VAV2: variants seen among roughly 807,000 people sequenced by gnomAD.
The protein encoded by VAV2 is vav guanine nucleotide exchange factor 2, also known as guanine nucleotide exchange factor VAV2.
VAV2 carries 67 observed loss-of-function variants against 132.5 expected under a neutral mutation model. That is an observed-to-expected ratio of 0.51 (90% confidence interval 0.42 to 0.62). The LOEUF (loss-of-function observed/expected upper bound fraction) is 0.62. Ranked by LOEUF, VAV2 falls within the 20% of genes least tolerant of loss-of-function variation. The pLI is 0.00. For synonymous variants in VAV2, 492 were observed against 443.5 expected, an observed-to-expected ratio of 1.11 and a Z score of -1.37; for missense variants, 938 against 1,153.6, an observed-to-expected ratio of 0.81 and a Z score of 2.71.
At chr9:133,984,724 G>A (rs1588226150) in intron 1 of VAV2, among the ~76,000 whole-genome samples, 2 of 152,162 alleles carry the variant, frequency 1.3e-5, no homozygotes, top group African/African-American at 2.4e-5. Flanking sequence ...CATGGCCAAC[G>A]TGTCGAAGCC....
chr9:133,873,433 G>A (rs1303964723), intron 2 of VAV2, among the ~76,000 whole-genome samples: 2 of 152,204 alleles, frequency 1.3e-5, no homozygotes, highest in Non-Finnish European at 2.9e-5. Context: ...GGAGTCACTA[G>A]CTGGTCACCA....
rs987170527 is a variant in VAV2, at chr9:133,785,902, G to A, written c.1423-17C>T. On this transcript the variant is annotated splice_polypyrimidine_tract_variant and intron_variant, in intron 16 of 29. Transcript: ENST00000371850. ...GTAGGACCACTGCAGGGGGGAGAGG[G>A]GCCATGCTTGCAATAGACACGGCTT... The A allele has an allele frequency of 6.2e-7, 1 of 1,607,498 alleles. No homozygotes were observed. The highest frequency in any genetic ancestry group is 8.5e-7 in the Non-Finnish European group (1 of 1,175,396).
intron 4 of VAV2, among the ~76,000 whole-genome samples, chr9:133,830,156 T>C (rs775128620): frequency 6.6e-6 from 1 of 152,196 alleles, no homozygotes; most frequent in Non-Finnish European, 1.5e-5. Context: ...CCCAAACAGC[T>C]GCAGAGTGTC....
intron 1 of VAV2, among the ~76,000 whole-genome samples, chr9:133,940,756 A>T (rs1841118022): frequency 1.3e-5 from 2 of 151,928 alleles, no homozygotes; most frequent in South Asian, 4.2e-4. Flanking sequence ...CTTTATCCCT[A>T]AATACCTGAG....
At chr9:133,888,647 A>G (rs1838807391) in intron 2 of VAV2, among the ~76,000 whole-genome samples, 1 of 152,202 alleles carries the variant, frequency 6.6e-6, no homozygotes, top group South Asian at 2.1e-4. Flanking sequence ...TCTCAGCCTC[A>G]TCGTGGACAC....
intron 2 of VAV2, among the ~76,000 whole-genome samples, chr9:133,905,259 T>A (rs1466162934): frequency 2.1e-5 from 2 of 97,442 alleles, no homozygotes; most frequent in Admixed American, 2.3e-4. Flanking sequence ...TGAAACCCCA[T>A]CTCTACTAAA....
At chr9:133,952,565 T>G (rs982522547) in intron 1 of VAV2, among the ~76,000 whole-genome samples, 2 of 150,878 alleles carry the variant, frequency 1.3e-5, no homozygotes, top group African/African-American at 2.4e-5. Flanking sequence ...ATCGCACCAT[T>G]GCACTCCAGC....
intron 21 of VAV2, among the ~76,000 whole-genome samples, 177 bp downstream of exon 21, chr9:133,779,741 G>T (rs55868096): frequency 1.2e-3 from 190 of 152,294 alleles, no homozygotes; most frequent in Non-Finnish European, 1.8e-3. Flanking sequence ...CACCTCCCAA[G>T]GAGGTGCCAT....
At position 133,787,280 on chromosome 9, in the gene VAV2, G is replaced by A. The variant is rs1481354697; in HGVS notation, c.1408-20C>T. 1 of 1,580,248 alleles carries A rather than the reference G, an allele frequency of 6.3e-7. No individual in the cohort carries two copies. Among genetic ancestry groups the A allele is most frequent in the African/African-American group, 1.4e-5 (1 of 73,892 alleles). ...GTGAGACTAGGAAGCATGGAGAGGA[G>A]AGGAAGGGGAAGACGGTCAGTGAGA... On this transcript the variant is annotated intron_variant, in intron 15 of 29. Coordinates refer to ENST00000371850, the MANE Select transcript of VAV2 (RefSeq NM_001134398.2).
In VAV2 at chr9:133,788,209, G is replaced by T; in HGVS notation, c.1407+145C>A. ...CAGTGACTCAGAGAGGAGCCTTCCTGCAGAGCGGAGACGCCCACCCCAACC... is the reference window on the plus strand; with the variant it reads ...CAGTGACTCAGAGAGGAGCCTTCCTTCAGAGCGGAGACGCCCACCCCAACC... On this transcript the variant is annotated intron_variant, in intron 15 of 29. Transcript: ENST00000371850. This position sits in a 1 kb window ranked among gnomAD's most constrained non-coding sequence, Gnocchi z 5.3. 8.7e-7 allele frequency: 1 copy of T among 1,148,180 alleles called. No homozygotes were observed. Among genetic ancestry groups the T allele is most frequent in the Non-Finnish European group, 1.2e-6 (1 of 816,088 alleles). The allele number at this position is 1,148,180 out of a possible 1,614,324, so 71.1% of individuals were successfully genotyped here.
intron 2 of VAV2, among the ~76,000 whole-genome samples, chr9:133,925,493 C>T (rs993658164): frequency 3.3e-5 from 5 of 152,240 alleles, no homozygotes; most frequent in African/African-American, 1.2e-4. Flanking sequence ...GCTGGGATTA[C>T]AGGCATGAGC....
chr9:133,857,360 C>T lies in VAV2; in HGVS notation c.380+4014G>A, dbSNP rs139307715. Among the ~76,000 whole-genome samples, 3 of 152,306 alleles carry T rather than the reference C, an allele frequency of 2.0e-5. No individual in the cohort carries two copies. Among genetic ancestry groups the T allele is most frequent in the East Asian group, 1.9e-4 (1 of 5,178 alleles). Reference sequence around the variant, plus strand: ...TTTGATCCCCCAGCCGGCACCAGGGCGGGATTCTTAGATTAAGTCTCCAAT... The same window carrying T: ...TTTGATCCCCCAGCCGGCACCAGGGTGGGATTCTTAGATTAAGTCTCCAAT... On this transcript the variant is annotated intron_variant, in intron 3 of 29. Coordinates refer to ENST00000371850, the MANE Select transcript of VAV2 (RefSeq NM_001134398.2). The surrounding 1 kb of genome is among the most constrained non-coding windows in gnomAD (Gnocchi z 4.0).
intron 2 of VAV2, among the ~76,000 whole-genome samples, chr9:133,923,548 G>C (rs1249610852): frequency 1.3e-5 from 2 of 152,218 alleles, no homozygotes; most frequent in East Asian, 1.9e-4. Context: ...GTTGGTGGGA[G>C]TGTAAATTGG....
rs1393729562 is a variant in VAV2, at chr9:133,937,527, AGTGT to A, written c.321+1572_321+1575del. Among the ~76,000 whole-genome samples, 10 of 110,604 alleles carry A rather than the reference AGTGT, an allele frequency of 9.0e-5. No homozygotes were observed. In the East Asian group the frequency reaches 1.5e-3, roughly 16 times the overall value. The allele number at this position is 110,604 out of a possible 152,430, so 72.6% of individuals were successfully genotyped here. A position where few individuals can be genotyped will look rare whatever the true frequency, so the allele number is the denominator to read the frequency against. ...GTGTGAGTGTGTGTGCGCGTGTGAG[AGTGT>A]GTGTGAGAGTGTGTGTGTGTGTGTG... is the stretch of plus-strand genomic sequence containing the variant. On this transcript the variant is annotated intron_variant, in intron 2 of 29. Coordinates refer to ENST00000371850, the MANE Select transcript of VAV2 (RefSeq NM_001134398.2).
intron 2 of VAV2, among the ~76,000 whole-genome samples, chr9:133,904,464 C>T (rs1045980921): frequency 2.0e-5 from 3 of 152,254 alleles, no homozygotes; most frequent in East Asian, 1.9e-4. Context: ...CACTCCCAGA[C>T]GACCACGTGG....
chr9:133,962,326 G>C (rs953486232), intron 1 of VAV2, among the ~76,000 whole-genome samples: 37 of 152,160 alleles, frequency 2.4e-4, no homozygotes, highest in African/African-American at 8.7e-4. Flanking sequence ...CACTCAAGTT[G>C]GCCAGCAGAG....
Position 133,824,801 on chromosome 9 carries a change from C to T in VAV2, c.449+9471G>A, listed in dbSNP as rs775647388. ...GAGCTGGGCTCAAATTGCAGCTCTG[C>T]CCCCTAGTTCTGTACGACTCTGACC... On this transcript the variant is annotated intron_variant, in intron 4 of 29. Transcript: ENST00000371850. The surrounding 1 kb of genome is among the most constrained non-coding windows in gnomAD (Gnocchi z 5.2). Among the ~76,000 whole-genome samples the T allele has an allele frequency of 6.6e-6, 1 of 152,192 alleles. No individual in the cohort carries two copies. Among genetic ancestry groups the T allele is most frequent in the Non-Finnish European group, 1.5e-5 (1 of 68,030 alleles).
intron 2 of VAV2, among the ~76,000 whole-genome samples, chr9:133,871,487 T>A (rs1588294903): frequency 7.7e-6 from 1 of 129,440 alleles, no homozygotes; most frequent in African/African-American, 4.2e-5. Flanking sequence ...GATGGATGGA[T>A]GGATGGATGG....
chr9:133,857,946 G>A lies in VAV2; in HGVS notation c.380+3428C>T, dbSNP rs977974842. Among the ~76,000 whole-genome samples the A allele has an allele frequency of 1.2e-4, 18 of 152,184 alleles. No homozygotes were observed. The highest frequency in any genetic ancestry group is 3.6e-4 in the African/African-American group (15 of 41,454). Reference sequence around the variant, plus strand: ...TGCAGAGGTCTTCCTGCAAAGCCTCGCTCTGCGCCCAGGAGGCCCTTCCCT... The same window carrying A: ...TGCAGAGGTCTTCCTGCAAAGCCTCACTCTGCGCCCAGGAGGCCCTTCCCT... On this transcript the variant is annotated intron_variant, in intron 3 of 29. Coordinates refer to ENST00000371850, the MANE Select transcript of VAV2 (RefSeq NM_001134398.2). The surrounding 1 kb of genome is among the most constrained non-coding windows in gnomAD (Gnocchi z 4.0).
Sources: gnomAD v4.1 joint callset for allele counts (sites outside exome capture counted in the v4.1 genomes callset) on GRCh38, gnomAD v4.1.1 for gene constraint, Gnocchi (gnomAD v3.1) non-coding constraint, MANE v1.5 for transcripts, NCBI Gene and HGNC (gene_info 2026-07-23, HGNC 2026-07-21) for gene names.